The following PRKCB variants were observed in gnomAD, a reference collection of about 807,000 sequenced individuals.
PRKCB encodes protein kinase C beta type.
A neutral mutation model predicts 81.5 loss-of-function variants in PRKCB; 13 were observed. The ratio of observed to expected loss-of-function variants is 0.16; its 90% confidence interval spans 0.10 to 0.25. The LOEUF (loss-of-function observed/expected upper bound fraction) is 0.25. Ranked by LOEUF, PRKCB falls within the 10% of genes least tolerant of loss-of-function variation. The pLI, the probability that PRKCB is intolerant of heterozygous loss-of-function variation, is 1.00. For synonymous variants in PRKCB, 335 were observed against 321.4 expected, an observed-to-expected ratio of 1.04 and a Z score of -0.45; for missense variants, 509 against 875.7, an observed-to-expected ratio of 0.58 and a Z score of 5.29.
At chr16:24,172,445 AGGGATCTTTAAACACCTC>A in intron 11 of PRKCB, 84 bp downstream of exon 11, 1 of 1,184,384 alleles carries the variant, frequency 8.4e-7, no homozygotes, top group Non-Finnish European at 1.2e-6. Flanking sequence ...TTTGCCAAAG[AGGGATCTTTAAACACCTC>A]GGGCATCTTT....
At chr16:23,967,338 G>A (rs1019837458) in intron 2 of PRKCB, among the ~76,000 whole-genome samples, 2 of 152,226 alleles carry the variant, frequency 1.3e-5, no homozygotes, top group Non-Finnish European at 2.9e-5. Context: ...AAGGATGGAA[G>A]CAGCTTCCTC....
chr16:23,962,289 C>T (rs985156444), intron 2 of PRKCB, among the ~76,000 whole-genome samples: 4 of 152,136 alleles, frequency 2.6e-5, no homozygotes, highest in Admixed American at 2.0e-4. Context: ...CGCTCCCTAA[C>T]GTCCCTGTCT....
chr16:24,120,609 G>A (rs169142), intron 8 of PRKCB, among the ~76,000 whole-genome samples: 87,950 of 151,940 alleles, frequency 0.58, 25,877 homozygotes, highest in East Asian at 0.77. Context: ...TCAGAACAGA[G>A]GCTGGGGAGC....
At chr16:24,057,610 AG>A (rs1384141918) in intron 5 of PRKCB, among the ~76,000 whole-genome samples, 1 of 152,146 alleles carries the variant, frequency 6.6e-6, no homozygotes, top group Admixed American at 6.5e-5. Flanking sequence ...TCACTATAAA[AG>A]GGGGGATTGG....
intron 5 of PRKCB, among the ~76,000 whole-genome samples, chr16:24,042,805 A>G (rs1171027609): frequency 6.7e-6 from 1 of 148,842 alleles, no homozygotes; most frequent in African/African-American, 2.5e-5. Flanking sequence ...TGGCGTAATC[A>G]CGGCTTACTG....
intron 10 of PRKCB, among the ~76,000 whole-genome samples, chr16:24,170,847 A>G (rs550797434): frequency 6.6e-6 from 1 of 152,346 alleles, no homozygotes; most frequent in African/African-American, 2.4e-5. Context: ...TAGTTGTGCT[A>G]TCAGAAACAG....
intron 9 of PRKCB, among the ~76,000 whole-genome samples, chr16:24,130,624 C>T (rs1052874831): frequency 6.6e-6 from 1 of 152,066 alleles, no homozygotes; most frequent in Non-Finnish European, 1.5e-5. Flanking sequence ...AAGTTTAAGA[C>T]GTTTAAGACA....
chr16:24,148,971 A>G lies in PRKCB; in HGVS notation c.1066-5713A>G, dbSNP rs913639027. Among the ~76,000 whole-genome samples the G allele has an allele frequency of 3.5e-4, 53 of 152,036 alleles. 1 individual carries two copies. The highest frequency in any genetic ancestry group is 1.1e-3 in the African/African-American group (47 of 41,378). On this transcript the variant is annotated intron_variant, in intron 9 of 16. Coordinates refer to ENST00000643927, the MANE Select transcript of PRKCB (RefSeq NM_002738.7). ...AGAAGCTTAAAACAACAGCCATCCT[A>G]TATTATCTGTCATGGTTTCTGTGGG...
At chr16:24,122,312 G>A (rs946267760) in intron 8 of PRKCB, among the ~76,000 whole-genome samples, 2 of 152,130 alleles carry the variant, frequency 1.3e-5, no homozygotes, top group Non-Finnish European at 2.9e-5. Context: ...AATCAGAGGG[G>A]CTCAGTCATC....
chr16:23,846,608 CAAAA>C (rs33919504), intron 2 of PRKCB, among the ~76,000 whole-genome samples: 1 of 65,330 alleles, frequency 1.5e-5, no homozygotes, highest in Non-Finnish European at 2.7e-5. Context: ...GACTCCGTCT[CAAAA>C]AAAAAAAAAA....
At chr16:24,110,510 C>T (rs75611585) in intron 7 of PRKCB, among the ~76,000 whole-genome samples, 7,879 of 111,178 alleles carry the variant, frequency 0.071, 303 homozygotes, top group Middle Eastern at 0.17. Context: ...CATGCCCAAC[C>T]TTTTTTTTTT....
At chr16:24,109,380 A>C (rs1206482778) in intron 7 of PRKCB, among the ~76,000 whole-genome samples, 1 of 115,538 alleles carries the variant, frequency 8.7e-6, no homozygotes, top group African/African-American at 3.9e-5. Flanking sequence ...GGGGCTCCTC[A>C]CTTCTCAGAC....
intron 3 of PRKCB, among the ~76,000 whole-genome samples, chr16:23,989,263 C>CTAT (rs930898630): frequency 2.0e-5 from 3 of 151,978 alleles, no homozygotes; most frequent in East Asian, 1.9e-4. Flanking sequence ...TGTGCCCGGC[C>CTAT]TATTATTATT....
At chr16:24,002,851 TC>T (rs1398539510) in intron 3 of PRKCB, among the ~76,000 whole-genome samples, 2 of 152,088 alleles carry the variant, frequency 1.3e-5, no homozygotes, top group Non-Finnish European at 2.9e-5. Context: ...GCCCTTCCAA[TC>T]CACTCTGCTT....
At chr16:23,837,239 CTTGG>C in intron 1 of PRKCB, 132 bp from the exon 2 acceptor site, 2 of 1,092,500 alleles carry the variant, frequency 1.8e-6, no homozygotes, top group Non-Finnish European at 2.8e-6. Context: ...GCGGAAGACT[CTTGG>C]GCACCCGCCT....
At chr16:24,166,168 C>T (rs1467280279) in intron 10 of PRKCB, among the ~76,000 whole-genome samples, 1 of 152,048 alleles carries the variant, frequency 6.6e-6, no homozygotes, top group Non-Finnish European at 1.5e-5. Flanking sequence ...AGGTGGGAGC[C>T]ACTGCACCCG....
chr16:23,988,629 T>G, intron 3 of PRKCB, 39 bp downstream of exon 3: 1 of 1,549,544 alleles, frequency 6.5e-7, no homozygotes, highest in Non-Finnish European at 8.9e-7. Context: ...CTGTCCACAG[T>G]CAATGCTGCC....
chr16:23,884,157 GGAAAGAGAGTC>G (rs1963164668), intron 2 of PRKCB, among the ~76,000 whole-genome samples: 1 of 152,134 alleles, frequency 6.6e-6, no homozygotes, highest in Non-Finnish European at 1.5e-5. Flanking sequence ...TTATAGATGA[GGAAAGAGAGTC>G]TCAGAGAGTA....
intron 9 of PRKCB, among the ~76,000 whole-genome samples, chr16:24,129,010 G>A (rs564623784): frequency 1.3e-5 from 2 of 152,246 alleles, no homozygotes; most frequent in South Asian, 2.1e-4. Flanking sequence ...AGTAAATACA[G>A]CAAATACTTG....
Sources: allele counts gnomAD v4.1 joint callset (sites outside exome capture counted in the v4.1 genomes callset), GRCh38; gene constraint gnomAD v4.1.1; transcripts MANE v1.5; gene names NCBI Gene and HGNC (gene_info 2026-07-23, HGNC 2026-07-21).